The following DST variants were observed in gnomAD, a reference collection of about 807,000 sequenced individuals.
DST encodes bullous pemphigoid antigen.
In DST, 253 loss-of-function variants were observed where a neutral mutation model predicts 875.2. That is an observed-to-expected ratio of 0.29 (90% CI 0.26 to 0.32). The LOEUF is 0.32. Ranked by LOEUF, DST falls within the 10% of genes least tolerant of loss-of-function variation. The pLI is 1.00. For missense variants in DST, 8,287 were observed against 9,111.6 expected (o/e 0.91, Z 3.68); for synonymous variants, 3,124 against 3,197.1 (o/e 0.98, Z 0.77).
At position 56,573,792 on chromosome 6, in the gene DST, C is replaced by A. The variant is rs373289987; in HGVS notation, c.13123G>T (p.Asp4375Tyr). ...ITLTRSLSVQ[D>Y]GLDEMLDWMG... ...CAGTCCAGCATTTCATCCAAGCCAT[C>A]CTGCACACTCAGTGAACGGGTCAAG... Residue 4375 changes from aspartate to tyrosine, a missense_variant, in exon 51 of 104, where the codon GAT (aspartate) becomes TAT (tyrosine). By Grantham distance (160) the Asp-to-Tyr change is radical (BLOSUM62 -3). This residue lies in a region of DST where 1,513 missense variants were observed against 1,677.8 expected (regional missense o/e 0.90). Coordinates refer to ENST00000680361, the MANE Select transcript of DST (RefSeq NM_001374736.1). 4 of 1,613,534 alleles carry A rather than the reference C, an allele frequency of 2.5e-6. No homozygotes were observed. Among genetic ancestry groups the A allele is most frequent in the Non-Finnish European group, 3.4e-6 (4 of 1,179,734 alleles).
At chr6:56,558,785 C>T (rs1234412373) in intron 58 of DST, among the ~76,000 whole-genome samples, 1 of 152,128 alleles carries the variant, frequency 6.6e-6, no homozygotes, top group East Asian at 1.9e-4. Flanking sequence ...TCTAATCTAT[C>T]CCTGCTGATT....
intron 46 of DST, among the ~76,000 whole-genome samples, 178 bp downstream of exon 46, chr6:56,598,298 C>T (rs1395107446): frequency 1.3e-5 from 2 of 152,140 alleles, no homozygotes; most frequent in African/African-American, 4.8e-5. Flanking sequence ...AAAAGTTAAG[C>T]AAAGCCAACT....
chr6:56,792,058 T>C (rs939133496), intron 4 of DST, among the ~76,000 whole-genome samples: 1 of 151,812 alleles, frequency 6.6e-6, no homozygotes. Context: ...GAGAATATGG[T>C]AAAAGGACAC....
chr6:56,656,027 A>T (rs1189247940), intron 10 of DST, among the ~76,000 whole-genome samples: 3 of 152,244 alleles, frequency 2.0e-5, no homozygotes, highest in Non-Finnish European at 4.4e-5. Context: ...AACATGAGCT[A>T]TGGGGACTGG....
chr6:56,743,893 C>T (rs1015630690), intron 4 of DST, among the ~76,000 whole-genome samples: 4 of 151,964 alleles, frequency 2.6e-5, no homozygotes, highest in African/African-American at 9.7e-5. Context: ...ATGGCTCACG[C>T]CTGTAATCCC....
At chr6:56,948,788 T>C (rs1403182903) in intron 2 of DST, among the ~76,000 whole-genome samples, 7 of 152,228 alleles carry the variant, frequency 4.6e-5, no homozygotes, top group Admixed American at 4.6e-4. Flanking sequence ...TGTTACTTGG[T>C]ATTTACGCTA....
chr6:56,593,761 T>G lies in DST; in HGVS notation c.12628A>C (p.Lys4210Gln), dbSNP rs1191107417. 1 of 1,613,994 alleles carries G rather than the reference T, an allele frequency of 6.2e-7. No homozygotes were observed. The highest frequency in any genetic ancestry group is 1.1e-5 in the South Asian group (1 of 91,082). ...GTATCAACCTTGCCACCGTCTCTCT[T>G]GCTGCAAGATTTGGCAGCTTCCAAC... is the stretch of plus-strand genomic sequence containing the variant. ...RVLEAAKSCSKRDGGKVDTSA... is the reference protein window; with the variant it reads ...RVLEAAKSCSQRDGGKVDTSA... Residue 4210 changes from lysine (K) to glutamine (Q), a missense_variant, in exon 48 of 104, where the codon AAG becomes CAG. Coordinates refer to ENST00000680361, the MANE Select transcript of DST (RefSeq NM_001374736.1).
At chr6:56,779,085 G>A (rs2099686200) in intron 4 of DST, among the ~76,000 whole-genome samples, 1 of 152,078 alleles carries the variant, frequency 6.6e-6, no homozygotes. Flanking sequence ...TCTAACTGGT[G>A]TGAGATGGTA....
At chr6:56,900,332 TTAATCTGATAATGTTTTTAAAC>T (rs928712005) in intron 3 of DST, 67 bp downstream of exon 3, 2 of 1,108,378 alleles carry the variant, frequency 1.8e-6, no homozygotes, top group African/African-American at 3.3e-5. Flanking sequence ...TTATTCAAAG[TTAATCTGATAATGTTTTTAAAC>T]TAAAAGAACA....
chr6:56,485,213 T>C (rs753310187), intron 88 of DST, 99 bp downstream of exon 88: 17 of 1,326,326 alleles, frequency 1.3e-5, no homozygotes, highest in South Asian at 1.1e-4. Flanking sequence ...GTATGATCTA[T>C]AGTCTTCTGA....
chr6:56,611,752 A>G (rs1206067264), intron 37 of DST, among the ~76,000 whole-genome samples, 156 bp from the exon 38 acceptor site: 2 of 152,210 alleles, frequency 1.3e-5, no homozygotes, highest in Non-Finnish European at 2.9e-5. Flanking sequence ...CAGTCTATAG[A>G]GCTAGATAAG....
chr6:56,628,020 G>A lies in DST; in HGVS notation c.4617C>T (p.Ala1539=). 6.2e-7 allele frequency: 1 copy of A among 1,613,818 alleles called. No homozygotes were observed. The change falls in exon 33 of 104, where the codon GCC becomes GCT. Residue 1539 remains alanine, a synonymous_variant. Coordinates refer to ENST00000680361, the MANE Select transcript of DST (RefSeq NM_001374736.1). ...ENQPENSKTL[A]TQLNQQKMLV... The stretch of plus-strand genomic sequence containing the variant: ...ATACCTTCTGTTGATTCAACTGTGT[G>A]GCTAGGGTTTTACTATTTTCAGGCT...
chr6:56,888,191 G>A (rs1013516117), intron 3 of DST, among the ~76,000 whole-genome samples: 23 of 151,786 alleles, frequency 1.5e-4, no homozygotes, highest in Non-Finnish European at 2.2e-4. Context: ...CTCGTGATCC[G>A]CCCGCCTCAG....
intron 2 of DST, among the ~76,000 whole-genome samples, chr6:56,918,704 C>A (rs549852259): frequency 6.6e-6 from 1 of 152,282 alleles, no homozygotes; most frequent in East Asian, 1.9e-4. Flanking sequence ...TCCATCAACA[C>A]TGGATAATAT....
intron 17 of DST, among the ~76,000 whole-genome samples, chr6:56,641,303 T>C (rs1374031882): frequency 6.6e-6 from 1 of 152,158 alleles, no homozygotes; most frequent in Admixed American, 6.6e-5. Flanking sequence ...ATGACACTTT[T>C]TGGCCAGGCA....
chr6:56,592,032 G>T, intron 49 of DST, 150 bp downstream of exon 49: 3 of 581,026 alleles, frequency 5.2e-6, no homozygotes, highest in Non-Finnish European at 9.0e-6. Flanking sequence ...GTACTGTGGA[G>T]AAATAGAGTC....
chr6:56,620,279 A>T (rs1401349708), intron 36 of DST: 1 of 1,614,114 alleles, frequency 6.2e-7, no homozygotes, highest in Admixed American at 1.7e-5. Flanking sequence ...ATGATCTTCC[A>T]GTGTTCGTCT....
intron 5 of DST, among the ~76,000 whole-genome samples, chr6:56,717,182 C>CAAATAAATAAAT (rs35485370): frequency 0.012 from 1,746 of 142,724 alleles, 17 homozygotes; most frequent in Middle Eastern, 0.039. Flanking sequence ...GACTCCGTCT[C>CAAATAAATAAAT]AAATAAATAA....
rs142841406 is a variant in DST at position 56,624,339 on chromosome 6, T to A, written c.4929+191A>T. 976 of 678,336 alleles carry A rather than the reference T, an allele frequency of 1.4e-3. 1 individual carries two copies. The African/African-American group carries it at 0.016, about 11-fold the overall frequency. 42.0% of individuals were successfully genotyped at this position (678,336 alleles called of 1,614,324 possible). A position where few individuals can be genotyped will look rare whatever the true frequency, so the allele number is the denominator to read the frequency against. The stretch of plus-strand genomic sequence containing the variant: ...AAATGACTTTCTATTTGAATGAATC[T>A]TAAAGACAAACAAAAATCTTAGGCC... On this transcript the variant is annotated intron_variant, in intron 36 of 103. Coordinates refer to ENST00000680361, the MANE Select transcript of DST (RefSeq NM_001374736.1).
Sources: allele counts gnomAD v4.1 joint callset (sites outside exome capture counted in the v4.1 genomes callset), GRCh38; gene constraint gnomAD v4.1.1; regional missense constraint gnomAD v4.1.1; transcripts MANE v1.5; gene names NCBI Gene and HGNC (gene_info 2026-07-23, HGNC 2026-07-21).